PTCH1: variants seen among roughly 807,000 people sequenced by gnomAD.
PTCH1 encodes protein patched homolog 1.
PTCH1 carries 14 observed loss-of-function variants against 144.6 expected under a neutral mutation model. The ratio of observed to expected loss-of-function variants is 0.10; its 90% CI spans 0.06 to 0.15. PTCH1 has a LOEUF of 0.15. Ranked by LOEUF, PTCH1 falls within the 10% of genes least tolerant of loss-of-function variation. The pLI is 1.00. For synonymous variants in PTCH1, 833 were observed against 793.6 expected, an observed-to-expected ratio of 1.05 and a Z score of -0.83; for missense variants, 1,623 against 1,948.3, an observed-to-expected ratio of 0.83 and a Z score of 3.14.
At chr9:95,477,424 T>G in intron 10 of PTCH1, 123 bp downstream of exon 10, 3 of 1,334,782 alleles carry the variant, frequency 2.2e-6, no homozygotes, top group Non-Finnish European at 3.2e-6. Context: ...AGCATCCTAG[T>G]GGAAAAGGCT....
chr9:95,508,056 TGTGAGA>T (rs1564091242), intron 1 of PTCH1, 99 bp downstream of exon 1: 9 of 1,552,502 alleles, frequency 5.8e-6, no homozygotes, highest in East Asian at 4.7e-5. Flanking sequence ...TGTGTGTGTG[TGTGAGA>T]GAGAGAGGAA....
At chr9:95,484,719 C>G (rs1258529339) in intron 3 of PTCH1, among the ~76,000 whole-genome samples, 3 of 152,106 alleles carry the variant, frequency 2.0e-5, no homozygotes, top group African/African-American at 4.8e-5. Flanking sequence ...ACCTCAAAAG[C>G]AATCAACAAA....
chr9:95,469,851 G>C lies in PTCH1; in HGVS notation c.1809C>G (p.Arg603=), dbSNP rs145690756. 1.9e-6 allele frequency: 3 copies of C among 1,613,992 alleles called. No individual in the cohort carries two copies. Among genetic ancestry groups the C allele is most frequent in the East Asian group, 2.2e-5 (1 of 44,876 alleles). The change falls in exon 13 of 24, where the codon CGC becomes CGG. Residue 603 remains arginine (R), a synonymous_variant. Coordinates refer to ENST00000331920, the MANE Select transcript of PTCH1 (RefSeq NM_000264.5). ...AGAAAATATCCAGTCTCCTGTCCTC[G>C]CGTCGATATAAATCCATGCTGAGAA... ...PAILSMDLYR[R]EDRRLDIFCC... is the part of the protein sequence containing the mutation.
At chr9:95,482,607 G>A (rs937253640) in intron 3 of PTCH1, 16 of 290,168 alleles carry the variant, frequency 5.5e-5, no homozygotes, top group South Asian at 3.8e-4. Flanking sequence ...ACTCAGGTGC[G>A]GAGATGTTTT....
chr9:95,470,049 T>C (rs2118105476), intron 12 of PTCH1, 118 bp from the exon 13 acceptor site: 1 of 803,022 alleles, frequency 1.2e-6, no homozygotes. Flanking sequence ...CTTGAAGCAT[T>C]TGAAACCGTG....
chr9:95,455,515 C>T (rs1156254808), intron 19 of PTCH1, among the ~76,000 whole-genome samples: 1 of 152,238 alleles, frequency 6.6e-6, no homozygotes, highest in Non-Finnish European at 1.5e-5. Context: ...ACATAATTTA[C>T]ACAGTTGTGA....
chr9:95,453,412 G>C, intron 20 of PTCH1, 66 bp downstream of exon 20: 1 of 1,606,970 alleles, frequency 6.2e-7, no homozygotes, highest in Non-Finnish European at 8.5e-7. Flanking sequence ...TTACAGGCGT[G>C]AGCCACTGCA....
Position 95,476,469 on chromosome 9 carries a change from A to G in PTCH1, c.1602+290T>C, listed in dbSNP as rs1447623578. Among the ~76,000 whole-genome samples, 1 of 152,176 alleles carries G rather than the reference A, an allele frequency of 6.6e-6. No individual in the cohort carries two copies. The highest frequency in any genetic ancestry group is 1.5e-5 in the Non-Finnish European group (1 of 68,018). On this transcript the variant is annotated intron_variant, in intron 11 of 23. Coordinates refer to ENST00000331920, the MANE Select transcript of PTCH1 (RefSeq NM_000264.5). The surrounding 1 kb of genome is among the most constrained non-coding windows in gnomAD (Gnocchi z 4.6). ...GGCTAAGTGACAGACATCTCCAGAG[A>G]AGCAAATGCAGGCTCTGGGAATGTA...
intron 2 of PTCH1, chr9:95,494,137 C>T: frequency 3.3e-6 from 3 of 918,086 alleles, no homozygotes; most frequent in Non-Finnish European, 2.6e-6. Context: ...CAGGCGCTCG[C>T]GCGGGGTTCT....
In PTCH1 at chr9:95,447,078, G is replaced by A. The variant is rs1368334005; in HGVS notation, c.4178C>T (p.Pro1393Leu). 1.9e-6 allele frequency: 3 copies of A among 1,614,032 alleles called. No homozygotes were observed. Among genetic ancestry groups the A allele is most frequent in the Non-Finnish European group, 2.5e-6 (3 of 1,180,036 alleles). ...PPPVPGPGRNPRGGLCPGYPE... is the reference protein window; with the variant it reads ...PPPVPGPGRNLRGGLCPGYPE... ...GTAGCCTGGGCAGAGTCCCCCTCGG[G>A]GGTTCCGCCCAGGCCCAGGGACAGG... is the stretch of plus-strand genomic sequence containing the variant. The change falls in exon 23 of 24, where the codon CCC (proline) becomes CTC (leucine). Residue 1393 changes from proline to leucine, a missense_variant. This residue lies in a region of PTCH1 where 291 missense variants were observed against 287.4 expected (regional missense o/e 1.01). Coordinates refer to ENST00000331920, the MANE Select transcript of PTCH1 (RefSeq NM_000264.5).
intron 2 of PTCH1, among the ~76,000 whole-genome samples, chr9:95,500,901 G>A (rs953452132): frequency 7.9e-5 from 12 of 152,100 alleles, no homozygotes; most frequent in African/African-American, 2.9e-4. Context: ...CCCACCAAAA[G>A]GTACCCAAAT....
rs1588614533 is a variant in PTCH1 at position 95,482,151 on chromosome 9, T to C, written c.637A>G (p.Thr213Ala). 3 of 1,614,070 alleles carry C rather than the reference T, an allele frequency of 1.9e-6. No homozygotes were observed. Among genetic ancestry groups the C allele is most frequent in the Non-Finnish European group, 1.7e-6 (2 of 1,180,012 alleles). The stretch of plus-strand genomic sequence containing the variant: ...AAATATACCTGATCCATGTAACCTG[T>C]TTCTGTGATAAGCTCTCCTGATTTG... Reference protein sequence around the residue: ...CYKSGELITETGYMDQIIEYL... With the variant: ...CYKSGELITEAGYMDQIIEYL... Residue 213 changes from threonine to alanine, a missense_variant, in exon 4 of 24, where the codon ACA becomes GCA. Physicochemically the swap from Thr to Ala is moderately conservative, Grantham distance 58 (BLOSUM62 0). Around this residue, in one of 7 missense-constraint regions of PTCH1, gnomAD observed 39 missense variants for 75.6 expected, o/e 0.52. Coordinates refer to ENST00000331920, the MANE Select transcript of PTCH1 (RefSeq NM_000264.5).
chr9:95,485,168 T>TG (rs1841870315), intron 3 of PTCH1, among the ~76,000 whole-genome samples: 1 of 152,110 alleles, frequency 6.6e-6, no homozygotes, highest in East Asian at 1.9e-4. Context: ...ATTACATCAC[T>TG]GCACTCCAGC....
At position 95,485,575 on chromosome 9, in the gene PTCH1, G is replaced by T; in HGVS notation, c.584+110C>A. The T allele has an allele frequency of 3.1e-6, 4 of 1,281,080 alleles. No homozygotes were observed. In the South Asian group the frequency reaches 3.7e-5, roughly 12 times the overall value. The allele number at this position is 1,281,080 out of a possible 1,614,324, so 79.4% of individuals were successfully genotyped here. A position where few individuals can be genotyped will look rare whatever the true frequency, so the allele number is the denominator to read the frequency against. On this transcript the variant is annotated intron_variant, in intron 3 of 23. Coordinates refer to ENST00000331920, the MANE Select transcript of PTCH1 (RefSeq NM_000264.5). ...CAAAGCTATTTGAACTAATACTCCAGGTGCATTTCCAGGGCAACTTCATTT... is the reference window on the plus strand; with the variant it reads ...CAAAGCTATTTGAACTAATACTCCATGTGCATTTCCAGGGCAACTTCATTT...
intron 1 of PTCH1, among the ~76,000 whole-genome samples, chr9:95,516,060 T>C (rs938543601): frequency 4.6e-5 from 7 of 151,760 alleles, no homozygotes; most frequent in African/African-American, 1.7e-4. Context: ...CGCTGGCGAG[T>C]CAGTAGCCAC....
intron 22 of PTCH1, among the ~76,000 whole-genome samples, chr9:95,448,611 G>T (rs1030701217): frequency 2.0e-5 from 3 of 152,008 alleles, no homozygotes; most frequent in Admixed American, 2.0e-4. Context: ...AATGAATGTT[G>T]TATCAAGGGC....
intron 2 of PTCH1, chr9:95,506,204 A>G (rs1275518298): frequency 7.2e-6 from 3 of 417,668 alleles, no homozygotes; most frequent in Admixed American, 4.4e-5. Context: ...CGGCCGGCGC[A>G]GCGCCCCGAG....
At chr9:95,507,587 G>C (rs1368980073) in intron 1 of PTCH1, 4 of 397,026 alleles carry the variant, frequency 1.0e-5, no homozygotes, top group African/African-American at 8.7e-5. Context: ...ATCTTTTTCC[G>C]AGAATAATTT....
chr9:95,516,371 G>T, intron 1 of PTCH1: 1 of 981,332 alleles, frequency 1.0e-6, no homozygotes, highest in South Asian at 4.9e-5. Flanking sequence ...TCCGTCCGCC[G>T]CGCGGGGCGT....
Sources: gnomAD v4.1 joint callset for allele counts (sites outside exome capture counted in the v4.1 genomes callset) on GRCh38, gnomAD v4.1.1 for gene constraint, gnomAD v4.1.1 regional missense constraint, Gnocchi (gnomAD v3.1) non-coding constraint, MANE v1.5 for transcripts, NCBI Gene and HGNC (gene_info 2026-07-23, HGNC 2026-07-21) for gene names.